The following RHPN1 variants were observed in gnomAD, a reference collection of about 807,000 sequenced individuals.
The protein encoded by RHPN1 is rhophilin-1.
In RHPN1, 77 loss-of-function variants were observed where a neutral mutation model predicts 74.7. The ratio of observed to expected loss-of-function variants is 1.03; its 90% CI spans 0.86 to 1.25. The LOEUF (loss-of-function observed/expected upper bound fraction) is 1.25, where lower values mean the gene tolerates loss of function less well. RHPN1 is among the 50% of genes most tolerant of loss of function. RHPN1 has a pLI of 0.00. For missense variants in RHPN1, 987 were observed against 932.2 expected, an observed-to-expected ratio of 1.06 and a Z score of -0.77; for synonymous variants, 444 against 414.5, an observed-to-expected ratio of 1.07 and a Z score of -0.87.
In RHPN1 at chr8:143,368,967, C is replaced by G; in HGVS notation, c.-21C>G. On this transcript the variant is annotated 5_prime_UTR_variant, in exon 1 of 15. Coordinates refer to ENST00000289013, the MANE Select transcript of RHPN1 (RefSeq NM_052924.3). ...GCGGGCTGGCTGACCCCGAGGGACC[C>G]CCAGCGCAGCGGGTGCGGCGATGAT... is the stretch of plus-strand genomic sequence containing the variant. The G allele has an allele frequency of 6.8e-7, 1 of 1,469,742 alleles. No individual in the cohort carries two copies. Among genetic ancestry groups the G allele is most frequent in the Non-Finnish European group, 8.9e-7 (1 of 1,117,934 alleles). 91.0% of individuals were successfully genotyped at this position (1,469,742 alleles called of 1,614,324 possible).
chr8:143,376,711 G>T (rs1190114027), intron 3 of RHPN1, 58 bp downstream of exon 3: 13 of 1,505,226 alleles, frequency 8.6e-6, no homozygotes, highest in Admixed American at 2.0e-5. Context: ...GTGCGTGTGT[G>T]TGTGCATGTG....
At chr8:143,376,731 A>G (rs1162960412) in intron 3 of RHPN1, 78 bp downstream of exon 3, 38 of 1,438,006 alleles carry the variant, frequency 2.6e-5, no homozygotes, top group Non-Finnish European at 3.6e-5. Context: ...GTGTGCACGC[A>G]TGTGTGTCTC....
At chr8:143,379,615 C>T (rs1438531780) in intron 8 of RHPN1, 107 bp downstream of exon 8, 1 of 1,451,676 alleles carries the variant, frequency 6.9e-7, no homozygotes, top group East Asian at 2.5e-5. Context: ...TGTGTGTCAG[C>T]CCCGAGCCAG....
intron 5 of RHPN1, 55 bp from the exon 6 acceptor site, chr8:143,378,641 T>G: frequency 1.3e-6 from 2 of 1,567,330 alleles, no homozygotes; most frequent in South Asian, 1.2e-5. Flanking sequence ...CCCAGGGCAG[T>G]GTGTGTGAGT....
intron 4 of RHPN1, among the ~76,000 whole-genome samples, chr8:143,378,044 C>T (rs886506589): frequency 3.9e-5 from 6 of 152,188 alleles, no homozygotes; most frequent in South Asian, 4.1e-4. Context: ...ACAGGGGCTC[C>T]GACCCGCATC....
chr8:143,380,656 C>A lies in RHPN1; in HGVS notation c.1284C>A (p.Arg428=). 6.4e-7 allele frequency: 1 copy of A among 1,568,370 alleles called. No individual in the cohort carries two copies. Among genetic ancestry groups the A allele is most frequent in the East Asian group, 2.4e-5 (1 of 42,148 alleles). The stretch of plus-strand genomic sequence containing the variant: ...CGCTGCGGCTGCACGCCCTGTGCCG[C>A]GTCCTGCGCGAGGTGGACCTGCTTC... ...EEALRLHALC[R]VLREVDLLRA... The change falls in exon 11 of 15, where the codon CGC becomes CGA. Residue 428 remains arginine, a synonymous_variant. Transcript: ENST00000289013.
upstream of RHPN1, among the ~76,000 whole-genome samples, chr8:143,364,653 G>A (rs1817539200): frequency 1.3e-5 from 2 of 151,886 alleles, no homozygotes; most frequent in South Asian, 4.2e-4. The surrounding 1 kb of genome is among the most constrained non-coding windows in gnomAD (Gnocchi z 4.5). Flanking sequence ...CTGTTCTCTG[G>A]GGGTTTAGGC....
chr8:143,378,356 T>TCGGGGGGGGGGGGGGCGC lies in RHPN1; in HGVS notation c.459+11_459+12insGGGGGGGGGGGGGGCGCC. ...GGAGGCCCTGCGGCAGGTGTGTGGT[T>TCGGGGGGGGGGGGGGCGC]CCCCCGCCCACCCACCCTCCTGCAG... is the stretch of plus-strand genomic sequence containing the variant. On this transcript the variant is annotated intron_variant, in intron 5 of 14. Transcript: ENST00000289013. 6.6e-7 allele frequency: 1 copy of TCGGGGGGGGGGGGGGCGC among 1,525,438 alleles called. No homozygotes were observed. 94.5% of individuals were successfully genotyped at this position (1,525,438 alleles called of 1,614,324 possible).
upstream of RHPN1, chr8:143,366,924 T>C (rs573802885): frequency 1.3e-4 from 20 of 152,444 alleles, no homozygotes; most frequent in African/African-American, 4.6e-4. Flanking sequence ...TGCAAGGAGA[T>C]GACTCACATG....
Position 143,381,646 on chromosome 8 carries a change from C to A in RHPN1, c.1563C>A (p.Gly521=). ...VGPVHLTRGE[G]GFGLTLRGDS... is the part of the protein sequence containing the mutation. ...CCGTCCACCTGACCCGAGGAGAGGGCGGCTTTGGCCTCACGCTTCGGGGAG... is the reference window on the plus strand; with the variant it reads ...CCGTCCACCTGACCCGAGGAGAGGGAGGCTTTGGCCTCACGCTTCGGGGAG... Residue 521 remains glycine (G), a synonymous_variant, in exon 13 of 15, where the codon GGC becomes GGA. Coordinates refer to ENST00000289013, the MANE Select transcript of RHPN1 (RefSeq NM_052924.3). 5 of 1,611,014 alleles carry A rather than the reference C, an allele frequency of 3.1e-6. No individual in the cohort carries two copies. The highest frequency in any genetic ancestry group is 4.2e-6 in the Non-Finnish European group (5 of 1,179,282).
chr8:143,372,619 G>A (rs1230360152), intron 1 of RHPN1, among the ~76,000 whole-genome samples: 4 of 151,664 alleles, frequency 2.6e-5, no homozygotes, highest in Admixed American at 1.3e-4. Context: ...CCCTCCGGCC[G>A]CCTGTGTCCC....
At chr8:143,376,007 T>C (rs1818192025) in intron 2 of RHPN1, among the ~76,000 whole-genome samples, 1 of 152,204 alleles carries the variant, frequency 6.6e-6, no homozygotes, top group Non-Finnish European at 1.5e-5. Flanking sequence ...GTTGGGGACC[T>C]GGGAGGGGGT....
In RHPN1 at chr8:143,375,638, A is replaced by G; in HGVS notation, c.146A>G (p.Gln49Arg). The G allele has an allele frequency of 6.2e-7, 1 of 1,608,752 alleles. No individual in the cohort carries two copies. The highest frequency in any genetic ancestry group is 8.5e-7 in the Non-Finnish European group (1 of 1,178,210). Residue 49 changes from glutamine (Q) to arginine (R), a missense_variant, in exon 2 of 15, where the codon CAG becomes CGG. By Grantham distance (43) the Gln-to-Arg change is conservative. Transcript: ENST00000289013. ...CACCAGCAGATTGACAAGGAGCTGC[A>G]GATGCGGACGGGCGCTGAGAACCTC... ...QIHQQIDKELQMRTGAENLYR... is the reference protein window; with the variant it reads ...QIHQQIDKELRMRTGAENLYR...
chr8:143,382,185 G>C (rs1385886298), intron 14 of RHPN1, among the ~76,000 whole-genome samples: 2 of 152,222 alleles, frequency 1.3e-5, no homozygotes, highest in Non-Finnish European at 2.9e-5. Context: ...CCCTCACTGG[G>C]CCTCTGTATC....
intron 1 of RHPN1, among the ~76,000 whole-genome samples, chr8:143,372,075 G>A (rs1206307966): frequency 1.3e-5 from 2 of 152,200 alleles, no homozygotes; most frequent in African/African-American, 4.8e-5. Flanking sequence ...GCAGGTGCCT[G>A]TGGGGCTCCA....
chr8:143,381,339 C>A lies in RHPN1; in HGVS notation c.1483C>A (p.Arg495=), dbSNP rs1405894206. Residue 495 remains arginine (R), a synonymous_variant, in exon 12 of 15, where the codon CGG becomes AGG. Coordinates refer to ENST00000289013, the MANE Select transcript of RHPN1 (RefSeq NM_052924.3). ...SQGKGPDIFH[R]LGPLSVFSAK... ...GGGGAAGGGGCCTGACATCTTCCAT[C>A]GGCTGGTGAGCACACCCGTCCCCAG... 6.2e-7 allele frequency: 1 copy of A among 1,608,760 alleles called. No individual in the cohort carries two copies. The highest frequency in any genetic ancestry group is 2.2e-5 in the East Asian group (1 of 44,660).
chr8:143,378,357 C>CCG lies in RHPN1; in HGVS notation c.459+12_459+13insGC. 3.3e-6 allele frequency: 5 copies of CCG among 1,520,942 alleles called. No homozygotes were observed. The highest frequency in any genetic ancestry group is 1.2e-5 in the South Asian group (1 of 83,422). The allele number at this position is 1,520,942 out of a possible 1,614,324, so 94.2% of individuals were successfully genotyped here. On this transcript the variant is annotated intron_variant, in intron 5 of 14. Coordinates refer to ENST00000289013, the MANE Select transcript of RHPN1 (RefSeq NM_052924.3). Reference sequence around the variant, plus strand: ...GAGGCCCTGCGGCAGGTGTGTGGTTCCCCCGCCCACCCACCCTCCTGCAGC... The same window carrying CCG: ...GAGGCCCTGCGGCAGGTGTGTGGTTCCGCCCCGCCCACCCACCCTCCTGCAGC...
At chr8:143,377,255 G>A (rs1563795101) in intron 3 of RHPN1, 125 bp from the exon 4 acceptor site, 1 of 688,060 alleles carries the variant, frequency 1.5e-6, no homozygotes, top group Non-Finnish European at 2.5e-6. Context: ...CCAGGACACA[G>A]GCGCACGTGC....
rs775390944 is a variant in RHPN1, at chr8:143,379,421, A to T, written c.858A>T (p.Glu286Asp). 8 of 1,583,780 alleles carry T rather than the reference A, an allele frequency of 5.1e-6. No individual in the cohort carries two copies. The highest frequency in any genetic ancestry group is 3.6e-5 in the Admixed American group (2 of 56,234). ...AGCTCATGATGGCCCAGGCCCAGGA[A>T]TGTGTGTTTGAGGGCCTCTCACCAC... Reference protein sequence around the residue: ...LEQLMMAQAQECVFEGLSPPA... With the variant: ...LEQLMMAQAQDCVFEGLSPPA... Residue 286 changes from glutamate (E) to aspartate (D), a missense_variant, in exon 8 of 15, where the codon GAA becomes GAT. Coordinates refer to ENST00000289013, the MANE Select transcript of RHPN1 (RefSeq NM_052924.3).
Sources: allele counts gnomAD v4.1 joint callset (sites outside exome capture counted in the v4.1 genomes callset), GRCh38; gene constraint gnomAD v4.1.1; non-coding constraint Gnocchi (gnomAD v3.1); transcripts MANE v1.5; gene names NCBI Gene and HGNC (gene_info 2026-07-23, HGNC 2026-07-21).